The following BPI variants were observed in gnomAD, a reference collection of about 807,000 sequenced individuals.
BPI encodes bactericidal permeability-increasing protein.
Under a neutral mutation model 57.6 loss-of-function variants are expected in BPI, and 48 were observed. The ratio of observed to expected loss-of-function variants is 0.83; its 90% CI spans 0.66 to 1.06. BPI has a LOEUF of 1.06. Ranked by LOEUF, BPI falls within the 50% of genes least tolerant of loss-of-function variation. The pLI, the probability that BPI is intolerant of heterozygous loss-of-function variation, is 0.00. For missense variants in BPI, 651 were observed against 609.7 expected (o/e 1.07, Z -0.71); for synonymous variants, 237 against 238.2 (o/e 0.99, Z 0.05).
chr20:38,307,054 C>T (rs1418416013), intron 1 of BPI, among the ~76,000 whole-genome samples: 1 of 151,836 alleles, frequency 6.6e-6, no homozygotes, highest in African/African-American at 2.4e-5. Context: ...AAAAAGTTAG[C>T]CTGGTGTGGT....
intron 12 of BPI, among the ~76,000 whole-genome samples, chr20:38,333,239 T>C (rs1037291651): frequency 3.9e-5 from 6 of 152,116 alleles, no homozygotes; most frequent in Admixed American, 2.0e-4. Flanking sequence ...TTTCTACTTC[T>C]GTAGAAACTA....
In BPI at chr20:38,309,054, T is replaced by C. The variant is rs776079763; in HGVS notation, c.370T>C (p.Phe124Leu). 6.2e-7 allele frequency: 1 copy of C among 1,614,132 alleles called. No homozygotes were observed. Among genetic ancestry groups the C allele is most frequent in the Non-Finnish European group, 8.5e-7 (1 of 1,179,966 alleles). ...ISGKWKAQKRFLKMSGNFDLS... is the reference protein window; with the variant it reads ...ISGKWKAQKRLLKMSGNFDLS... ...CGGGAAATGGAAGGCACAAAAGAGA[T>C]TCTTGTGCGTTTCCATGCTTGCGGT... Residue 124 changes from phenylalanine to leucine, a missense_variant, in exon 3 of 15, where the codon TTC becomes CTC. Coordinates refer to ENST00000642449, the MANE Select transcript of BPI (RefSeq NM_001725.3).
rs538755347 is a variant in BPI, at chr20:38,324,785, G to A, written c.945G>A (p.Glu315=). ...ATCTCTTGCTACAGATTCCAAAGGA[G>A]TCCAAATTTCGACTGACAACCAAGT... The part of the protein sequence containing the change: ...MTLRDDMIPK[E]SKFRLTTKFF... Residue 315 remains glutamate (E), a synonymous_variant, in exon 9 of 15, where the codon GAG becomes GAA. Coordinates refer to ENST00000642449, the MANE Select transcript of BPI (RefSeq NM_001725.3). 4 of 1,612,680 alleles carry A rather than the reference G, an allele frequency of 2.5e-6. No homozygotes were observed. The highest frequency in any genetic ancestry group is 3.4e-6 in the Non-Finnish European group (4 of 1,178,842).
chr20:38,306,123 C>T (rs7271760), intron 1 of BPI, among the ~76,000 whole-genome samples: 2,075 of 152,292 alleles, frequency 0.014, 47 homozygotes, highest in African/African-American at 0.048. Context: ...CCTCTGCCTC[C>T]GGGGTTCAAG....
chr20:38,316,992 T>C (rs1225647749), intron 5 of BPI, among the ~76,000 whole-genome samples: 1 of 152,076 alleles, frequency 6.6e-6, no homozygotes, highest in Non-Finnish European at 1.5e-5. Context: ...GGGAAAAGCC[T>C]GCAGGGGATA....
intron 5 of BPI, among the ~76,000 whole-genome samples, chr20:38,312,573 T>A (rs1351804790): frequency 6.6e-6 from 1 of 152,240 alleles, no homozygotes; most frequent in African/African-American, 2.4e-5. Flanking sequence ...TTTGCCTCTC[T>A]CCAGAGGGCA....
intron 5 of BPI, among the ~76,000 whole-genome samples, chr20:38,313,433 A>G (rs2122506473): frequency 6.7e-6 from 1 of 149,414 alleles, no homozygotes; most frequent in South Asian, 2.1e-4. Flanking sequence ...GGACATTAAT[A>G]CCGTCTTCAC....
At chr20:38,313,801 G>C (rs967110148) in intron 5 of BPI, among the ~76,000 whole-genome samples, 1 of 150,772 alleles carries the variant, frequency 6.6e-6, no homozygotes, top group Non-Finnish European at 1.5e-5. Context: ...TGGTGGGGAT[G>C]ATGATGATGG....
rs1177271307 is a variant in BPI at position 38,323,926 on chromosome 20, G to A, written c.813G>A (p.Met271Ile). ...HNPPPFAPPV[M>I]EFPAAHDRMV... ...CACCTCCCTTTGCTCCACCAGTGAT[G>A]GAGTTTCCCGCTGCCCATGACCGCA... The change falls in exon 8 of 15, where the codon ATG becomes ATA. Residue 271 changes from methionine (M) to isoleucine (I), a missense_variant. Met to Ile is a conservative substitution (Grantham distance 10). Transcript: ENST00000642449. 6.2e-7 allele frequency: 1 copy of A among 1,614,182 alleles called. No individual in the cohort carries two copies. The highest frequency in any genetic ancestry group is 1.1e-5 in the South Asian group (1 of 91,076).
intron 7 of BPI, among the ~76,000 whole-genome samples, chr20:38,321,176 G>A (rs1038681208): frequency 7.5e-6 from 1 of 133,054 alleles, no homozygotes; most frequent in Non-Finnish European, 1.6e-5. Context: ...TGGATGGATG[G>A]ATGGATGGAT....
At chr20:38,310,984 A>G (rs1272154978) in intron 4 of BPI, among the ~76,000 whole-genome samples, 1 of 152,252 alleles carries the variant, frequency 6.6e-6, no homozygotes, top group Non-Finnish European at 1.5e-5. Flanking sequence ...ACAAATACCT[A>G]GTGAGAATCA....
At position 38,323,938 on chromosome 20, in the gene BPI, T is replaced by C; in HGVS notation, c.825T>C (p.Ala275=). The change falls in exon 8 of 15, where the codon GCT becomes GCC. Residue 275 remains alanine, a synonymous_variant. Transcript: ENST00000642449. ...PFAPPVMEFP[A]AHDRMVYLGL... is the part of the protein sequence containing the mutation. ...CTCCACCAGTGATGGAGTTTCCCGCTGCCCATGACCGCATGGTATACCTGG... is the reference window on the plus strand; with the variant it reads ...CTCCACCAGTGATGGAGTTTCCCGCCGCCCATGACCGCATGGTATACCTGG... 1.2e-6 allele frequency: 2 copies of C among 1,614,196 alleles called. No individual in the cohort carries two copies. The highest frequency in any genetic ancestry group is 1.7e-6 in the Non-Finnish European group (2 of 1,180,022).
chr20:38,334,833 G>T (rs1047152062), intron 13 of BPI, among the ~76,000 whole-genome samples: 5 of 152,114 alleles, frequency 3.3e-5, no homozygotes, highest in African/African-American at 9.7e-5. Flanking sequence ...ATGGGGCATG[G>T]GTTTGATCCT....
At chr20:38,313,841 A>ATGATGG (rs1368825186) in intron 5 of BPI, among the ~76,000 whole-genome samples, 1 of 149,018 alleles carries the variant, frequency 6.7e-6, no homozygotes, top group African/African-American at 2.5e-5. Flanking sequence ...GGTGATGGTG[A>ATGATGG]TGATGGTGAT....
In BPI at chr20:38,326,509, T is replaced by C. The variant is rs73285038; in HGVS notation, c.1161+77T>C. ...CACTGTCTTTGGAGTCAGGAGACCA[T>C]GTGAATCCTGTCTGGATTCAAACCT... On this transcript the variant is annotated intron_variant, in intron 10 of 14. Coordinates refer to ENST00000642449, the MANE Select transcript of BPI (RefSeq NM_001725.3). 1,012 of 1,441,192 alleles carry C rather than the reference T, an allele frequency of 7.0e-4. 10 individuals are homozygous for C. The African/African-American group carries it at 0.013, about 18-fold the overall frequency. 89.3% of individuals were successfully genotyped at this position (1,441,192 alleles called of 1,614,324 possible).
chr20:38,320,107 GA>G, intron 6 of BPI, 75 bp from the exon 7 acceptor site: 1 of 1,232,896 alleles, frequency 8.1e-7, no homozygotes, highest in Non-Finnish European at 1.2e-6. Flanking sequence ...AATTTTAGGG[GA>G]TTCTGATCCT....
intron 7 of BPI, among the ~76,000 whole-genome samples, chr20:38,323,354 C>T (rs1192383866): frequency 5.3e-5 from 8 of 152,204 alleles, no homozygotes; most frequent in African/African-American, 1.9e-4. Context: ...ACCTTAACAG[C>T]TTATGAGTGC....
chr20:38,320,039 C>G (rs2076673177), intron 6 of BPI, 144 bp from the exon 7 acceptor site: 5 of 704,216 alleles, frequency 7.1e-6, no homozygotes, highest in Non-Finnish European at 1.2e-5. Context: ...GGCGAGCTCC[C>G]TTAAGGAGAG....
In BPI at chr20:38,308,941, G is replaced by T; in HGVS notation, c.257G>T (p.Arg86Leu). The change falls in exon 3 of 15, where the codon CGT becomes CTT. Residue 86 changes from arginine (R) to leucine (L), a missense_variant. By Grantham distance (102) the Arg-to-Leu change is moderately radical (BLOSUM62 -2). Coordinates refer to ENST00000642449, the MANE Select transcript of BPI (RefSeq NM_001725.3). The stretch of plus-strand genomic sequence containing the variant: ...TTTCTCCTTTGCAGCATGGACATCC[G>T]TGAATTCCAGCTTCCCAGTTCCCAG... The part of the protein sequence containing the change: ...GHYSFYSMDI[R>L]EFQLPSSQIS... 1 of 1,614,166 alleles carries T rather than the reference G, an allele frequency of 6.2e-7. No individual in the cohort carries two copies. Among genetic ancestry groups the T allele is most frequent in the South Asian group, 1.1e-5 (1 of 91,080 alleles).
Sources: gnomAD v4.1 joint callset for allele counts (sites outside exome capture counted in the v4.1 genomes callset) on GRCh38, gnomAD v4.1.1 for gene constraint, MANE v1.5 for transcripts, NCBI Gene and HGNC (gene_info 2026-07-23, HGNC 2026-07-21) for gene names.